The following RAD51B variants were observed in gnomAD, a reference collection of about 807,000 sequenced individuals.
RAD51B encodes DNA repair protein RAD51 homolog 2.
A neutral mutation model predicts 42.2 loss-of-function variants in RAD51B; 38 were observed. That is an observed-to-expected ratio of 0.90 (90% CI 0.70 to 1.18). The LOEUF (loss-of-function observed/expected upper bound fraction) is 1.18, where lower values mean the gene tolerates loss of function less well. Ranked by LOEUF, RAD51B falls within the 50% of genes most tolerant of loss-of-function variation. RAD51B has a pLI of 0.00. For synonymous variants in RAD51B, 154 were observed against 145.2 expected, an observed-to-expected ratio of 1.06 and a Z score of -0.43; for missense variants, 373 against 400.7, an observed-to-expected ratio of 0.93 and a Z score of 0.59.
intron 5 of RAD51B, among the ~76,000 whole-genome samples, chr14:67,866,037 C>T (rs796865155): frequency 1.5e-4 from 23 of 152,290 alleles, no homozygotes; most frequent in African/African-American, 5.5e-4. Flanking sequence ...CACCAATTTA[C>T]AACCTAGCTA....
chr14:68,095,055 A>G (rs977157127), intron 7 of RAD51B, among the ~76,000 whole-genome samples: 1 of 152,182 alleles, frequency 6.6e-6, no homozygotes, highest in Non-Finnish European at 1.5e-5. Context: ...GTTATTTTTT[A>G]TGTTGCTTGT....
chr14:68,426,201 T>C (rs1281560384), intron 9 of RAD51B, among the ~76,000 whole-genome samples: 1 of 151,640 alleles, frequency 6.6e-6, no homozygotes, highest in Non-Finnish European at 1.5e-5. Context: ...CCCGAGTAGC[T>C]GGGATTACAG....
chr14:68,348,454 G>T (rs934849551), intron 8 of RAD51B, among the ~76,000 whole-genome samples: 4 of 152,150 alleles, frequency 2.6e-5, no homozygotes, highest in Non-Finnish European at 5.9e-5. Flanking sequence ...GTGCTCTCAG[G>T]TTAAAATGGT....
intron 9 of RAD51B, among the ~76,000 whole-genome samples, chr14:68,465,949 A>AAAAAAAAAT (rs1555414301): frequency 2.0e-5 from 2 of 99,970 alleles, no homozygotes; most frequent in African/African-American, 6.9e-5. Flanking sequence ...TCAAAAAAAA[A>AAAAAAAAAT]AAAAATAAAT....
At chr14:67,987,586 A>G (rs1405944313) in intron 7 of RAD51B, among the ~76,000 whole-genome samples, 1 of 151,134 alleles carries the variant, frequency 6.6e-6, no homozygotes, top group Non-Finnish European at 1.5e-5. Flanking sequence ...CTCTTAGAAG[A>G]TCTTTTTTTT....
chr14:67,914,520 A>G (rs983416218), intron 7 of RAD51B, among the ~76,000 whole-genome samples: 5 of 152,092 alleles, frequency 3.3e-5, no homozygotes, highest in Non-Finnish European at 7.4e-5. Flanking sequence ...TGTTGCTTTT[A>G]AGATCTTTTT....
chr14:68,432,016 G>A (rs907868618), intron 9 of RAD51B, among the ~76,000 whole-genome samples: 1 of 152,196 alleles, frequency 6.6e-6, no homozygotes, highest in Non-Finnish European at 1.5e-5. Flanking sequence ...GTACCCAGTA[G>A]TCATTCAGCA....
chr14:67,980,390 G>A (rs987473237), intron 7 of RAD51B, among the ~76,000 whole-genome samples: 8 of 152,202 alleles, frequency 5.3e-5, no homozygotes, highest in African/African-American at 1.9e-4. Context: ...GTTGCAGTGA[G>A]CCAAGATCGC....
At chr14:68,223,770 T>G (rs1252925618) in intron 7 of RAD51B, among the ~76,000 whole-genome samples, 1 of 152,222 alleles carries the variant, frequency 6.6e-6, no homozygotes, top group Non-Finnish European at 1.5e-5. Context: ...GCTTAGATTC[T>G]CAATTGACTA....
intron 7 of RAD51B, among the ~76,000 whole-genome samples, chr14:68,229,158 A>G (rs780010519): frequency 3.9e-5 from 6 of 152,204 alleles, no homozygotes; most frequent in Non-Finnish European, 8.8e-5. Context: ...TTGAAAGTTC[A>G]TTTGTAAACA....
intron 7 of RAD51B, among the ~76,000 whole-genome samples, chr14:67,954,310 T>C (rs1436559277): frequency 6.6e-6 from 1 of 152,202 alleles, no homozygotes; most frequent in African/African-American, 2.4e-5. Flanking sequence ...AATTCCGCAC[T>C]CAGGACAGAC....
intron 7 of RAD51B, among the ~76,000 whole-genome samples, chr14:67,922,465 T>C (rs1397164425): frequency 6.6e-6 from 1 of 152,126 alleles, no homozygotes; most frequent in Non-Finnish European, 1.5e-5. Flanking sequence ...TTTTCTAATG[T>C]TTAAAGAGAC....
intron 10 of RAD51B, among the ~76,000 whole-genome samples, chr14:68,619,013 T>C (rs1444693949): frequency 6.6e-6 from 1 of 152,192 alleles, no homozygotes. Flanking sequence ...CAACTATCAT[T>C]TGGGGATCAT....
chr14:68,244,463 G>C (rs1346937018), intron 7 of RAD51B, among the ~76,000 whole-genome samples: 5 of 152,220 alleles, frequency 3.3e-5, no homozygotes. Context: ...CACCCAGACA[G>C]AAGCTGCTTC....
intron 8 of RAD51B, among the ~76,000 whole-genome samples, chr14:68,375,561 C>T (rs992757977): frequency 1.3e-5 from 2 of 152,052 alleles, no homozygotes; most frequent in Non-Finnish European, 2.9e-5. Flanking sequence ...CGTCCCTCAC[C>T]CACAGAGCTC....
chr14:67,940,516 T>G (rs1343155472), intron 7 of RAD51B, among the ~76,000 whole-genome samples: 1 of 152,158 alleles, frequency 6.6e-6, no homozygotes, highest in Admixed American at 6.5e-5. Flanking sequence ...GGAAACACAA[T>G]AACAATAGTG....
chr14:67,879,600 A>C (rs552259953), intron 5 of RAD51B, among the ~76,000 whole-genome samples: 1 of 152,204 alleles, frequency 6.6e-6, no homozygotes, highest in East Asian at 1.9e-4. Context: ...GAGCCACTGC[A>C]CCTGGACTTT....
chr14:67,909,331 G>C (rs1311857654), intron 7 of RAD51B, among the ~76,000 whole-genome samples: 4 of 152,190 alleles, frequency 2.6e-5, no homozygotes, highest in Admixed American at 2.6e-4. Flanking sequence ...ACACTGAAGA[G>C]TGGAAAAATT....
intron 7 of RAD51B, among the ~76,000 whole-genome samples, chr14:67,917,885 A>G (rs542585765): frequency 4.3e-4 from 66 of 152,148 alleles, no homozygotes; most frequent in Admixed American, 3.5e-3. Context: ...ACATCTACCA[A>G]TGGGTTGGTT....
Sources: gnomAD v4.1 joint callset for allele counts (sites outside exome capture counted in the v4.1 genomes callset) on GRCh38, gnomAD v4.1.1 for gene constraint, MANE v1.5 for transcripts, NCBI Gene and HGNC (gene_info 2026-07-23, HGNC 2026-07-21) for gene names.